Variants in NBPF26 observed in about 807,000 individuals in gnomAD.
NBPF26 encodes the protein NBPF family member NBPF26.
A neutral mutation model predicts 119.6 loss-of-function variants in NBPF26; 79 were observed. That is an observed-to-expected ratio of 0.66 (90% CI 0.55 to 0.80). The LOEUF (loss-of-function observed/expected upper bound fraction) is 0.80. Ranked by LOEUF, NBPF26 falls within the 30% of genes least tolerant of loss-of-function variation. NBPF26 has a pLI of 0.00. For missense variants in NBPF26, 800 were observed against 1,198.2 expected, an observed-to-expected ratio of 0.67 and a Z score of 4.91; for synonymous variants, 299 against 457.7, an observed-to-expected ratio of 0.65 and a Z score of 4.43.
downstream of NBPF26, chr1:120,840,628 C>G: frequency 6.9e-7 from 1 of 1,453,842 alleles, no homozygotes; most frequent in East Asian, 2.3e-5. Flanking sequence ...GTCATTCCTG[C>G]AGGCAGGACC....
intron 1 of NBPF26, among the ~76,000 whole-genome samples, chr1:120,750,460 T>C (rs1651010663): frequency 9.6e-6 from 1 of 104,644 alleles, no homozygotes; most frequent in Non-Finnish European, 1.8e-5. Context: ...TCCCTGCCTA[T>C]TAGAAGCTGA....
chr1:120,761,309 GC>G (rs1348443485), intron 1 of NBPF26, among the ~76,000 whole-genome samples: 1 of 113,906 alleles, frequency 8.8e-6, no homozygotes, highest in Non-Finnish European at 1.7e-5. Context: ...CAGGCACTGG[GC>G]ATGCCATTCA....
rs1651460018 is a variant in NBPF26 at position 120,789,523 on chromosome 1, G to T, written c.416-3638G>T. Among the ~76,000 whole-genome samples the T allele has an allele frequency of 6.3e-5, 7 of 111,838 alleles. 1 individual carries two copies. The South Asian group carries it at 1.9e-3, about 30-fold the overall frequency. 73.4% of individuals were successfully genotyped at this position (111,838 alleles called of 152,430 possible). A position where few individuals can be genotyped will look rare whatever the true frequency, so the allele number is the denominator to read the frequency against. ...AGCAGAACCCCTGAGGAACCCATCAGATCTCATGAGACTTATTCACTATCA... is the reference window on the plus strand; with the variant it reads ...AGCAGAACCCCTGAGGAACCCATCATATCTCATGAGACTTATTCACTATCA... On this transcript the variant is annotated intron_variant, in intron 3 of 29. Coordinates refer to ENST00000620612, the Ensembl canonical transcript of NBPF26.
chr1:120,762,267 CTAT>C (rs1219251605), intron 1 of NBPF26, among the ~76,000 whole-genome samples: 2 of 74,044 alleles, frequency 2.7e-5, no homozygotes, highest in African/African-American at 1.0e-4. Flanking sequence ...ATGTGTTAGC[CTAT>C]TATTATTATT....
At position 120,781,779 on chromosome 1, in the gene NBPF26, C is replaced by T. The variant is rs1270661276; in HGVS notation, c.156-3195C>T. Among the ~76,000 whole-genome samples, 4 of 116,008 alleles carry T rather than the reference C, an allele frequency of 3.4e-5. 1 individual carries two copies. Among genetic ancestry groups the T allele is most frequent in the Admixed American group, 8.3e-5 (1 of 12,018 alleles). 76.1% of individuals were successfully genotyped at this position (116,008 alleles called of 152,430 possible). A position where few individuals can be genotyped will look rare whatever the true frequency, so the allele number is the denominator to read the frequency against. ...AGGACTGTGTTAGCCAGGATGGTCT[C>T]GATCTCCTGACCTGGTGATCTGCCT... On this transcript the variant is annotated intron_variant, in intron 2 of 29. Coordinates refer to ENST00000620612, the Ensembl canonical transcript of NBPF26.
rs1421437050 is a variant in NBPF26, at chr1:120,790,167, C to T, written c.416-2994C>T. Reference sequence around the variant, plus strand: ...AGTAGCTGGGACTACAGGCACCTACCGCCATGCCCGGCTAATTTTTGTATT... The same window carrying T: ...AGTAGCTGGGACTACAGGCACCTACTGCCATGCCCGGCTAATTTTTGTATT... On this transcript the variant is annotated intron_variant, in intron 3 of 29. Transcript: ENST00000620612. 6.9e-5 allele frequency among the ~76,000 whole-genome samples: 7 copies of T among 101,684 alleles called. 1 individual carries two copies. In the South Asian group the frequency reaches 8.6e-4, roughly 13 times the overall value. 66.7% of individuals were successfully genotyped at this position (101,684 alleles called of 152,430 possible).
rs2101410053 is a variant in NBPF26 at position 120,764,002 on chromosome 1, A to G, written c.155+293A>G. Among the ~76,000 whole-genome samples, 2 of 115,126 alleles carry G rather than the reference A, an allele frequency of 1.7e-5. 1 individual carries two copies. Among genetic ancestry groups the G allele is most frequent in the Non-Finnish European group, 3.3e-5 (2 of 60,018 alleles). The allele number at this position is 115,126 out of a possible 152,430, so 75.5% of individuals were successfully genotyped here. On this transcript the variant is annotated intron_variant, in intron 2 of 29. Coordinates refer to ENST00000620612, the Ensembl canonical transcript of NBPF26. ...GGTGGCTCATGCTGGTAATCCCAGC[A>G]CTTCAGGAGGCTGAGTTGGGCGAAT...
chr1:120,784,840 T>C, intron 2 of NBPF26, 134 bp from the exon 3 acceptor site: 2 of 1,002,568 alleles, frequency 2.0e-6, no homozygotes, highest in Non-Finnish European at 2.8e-6. Flanking sequence ...AGGGAAGCAG[T>C]TTTATAGGTG....
rs1341888522 is a variant in NBPF26 at position 120,768,615 on chromosome 1, A to C, written c.155+4906A>C. ...GGGGTGTACCTTCACGATAAAAAAA[A>C]AAAACAAAACTGTAAATGTGGGTTT... On this transcript the variant is annotated intron_variant, in intron 2 of 29. Transcript: ENST00000620612. Among the ~76,000 whole-genome samples, 46 of 110,934 alleles carry C rather than the reference A, an allele frequency of 4.1e-4. 11 individuals carry two copies. Among genetic ancestry groups the C allele is most frequent in the South Asian group, 8.0e-4 (3 of 3,772 alleles). The allele number at this position is 110,934 out of a possible 152,430, so 72.8% of individuals were successfully genotyped here.
At chr1:120,745,120 C>CAA (rs1180453854) in intron 1 of NBPF26, among the ~76,000 whole-genome samples, 1 of 36,566 alleles carries the variant, frequency 2.7e-5, no homozygotes, top group Admixed American at 3.1e-4. Flanking sequence ...ATCCTGTCTC[C>CAA]AAAAAAAAAA....
At chr1:120,780,033 A>G (rs1266774196) in intron 2 of NBPF26, among the ~76,000 whole-genome samples, 48 of 131,530 alleles carry the variant, frequency 3.6e-4, no homozygotes, top group African/African-American at 1.5e-3. Flanking sequence ...TCTACCAGGC[A>G]GATCACAGAG....
intron 9 of NBPF26, among the ~76,000 whole-genome samples, chr1:120,810,898 C>G (rs1651844808): frequency 9.2e-6 from 1 of 108,660 alleles, no homozygotes; most frequent in South Asian, 2.6e-4. Context: ...CTCTAATTCA[C>G]TTCTGTCAGG....
chr1:120,808,392 C>G (rs1227824428), intron 6 of NBPF26, among the ~76,000 whole-genome samples, 153 bp from the exon 7 acceptor site: 2 of 118,486 alleles, frequency 1.7e-5, no homozygotes, highest in Non-Finnish European at 3.3e-5. Flanking sequence ...ATTTTCTATT[C>G]TTTCTCTTGG....
At chr1:120,840,540 A>C in exon 30 of NBPF26, 1 of 1,469,084 alleles carries the variant, frequency 6.8e-7, no homozygotes, top group Non-Finnish European at 9.2e-7. Flanking sequence ...TTTTACTTTG[A>C]CGGTGACAAG....
intron 4 of NBPF26, among the ~76,000 whole-genome samples, chr1:120,805,113 T>C (rs1651649006): frequency 8.1e-6 from 1 of 124,218 alleles, no homozygotes; most frequent in African/African-American, 3.9e-5. Flanking sequence ...AAGACACGGG[T>C]CTGTGGCATT....
At chr1:120,793,407 T>A (rs1651516056) in exon 4 of NBPF26, 1 of 1,441,648 alleles carries the variant, frequency 6.9e-7, no homozygotes, top group East Asian at 2.3e-5. Context: ...TGTGACAGAC[T>A]GTATGTGCCC....
At position 120,801,649 on chromosome 1, in the gene NBPF26, G is replaced by A. The variant is rs1363373919; in HGVS notation, c.752-3907G>A. Among the ~76,000 whole-genome samples, 9 of 105,254 alleles carry A rather than the reference G, an allele frequency of 8.6e-5. 4 individuals carry two copies. The highest frequency in any genetic ancestry group is 5.4e-4 in the African/African-American group (9 of 16,712). The allele number at this position is 105,254 out of a possible 152,430, so 69.1% of individuals were successfully genotyped here. A position where few individuals can be genotyped will look rare whatever the true frequency, so the allele number is the denominator to read the frequency against. On this transcript the variant is annotated intron_variant, in intron 4 of 29. Transcript: ENST00000620612. Reference sequence around the variant, plus strand: ...GTTCAAAACCAGCCTGAGCAACATAGCAAGACCTTGTCTCCATGAAAAATA... The same window carrying A: ...GTTCAAAACCAGCCTGAGCAACATAACAAGACCTTGTCTCCATGAAAAATA...
exon 30 of NBPF26, chr1:120,840,372 G>T (rs1553273428): frequency 1.4e-6 from 2 of 1,460,200 alleles, no homozygotes; most frequent in Non-Finnish European, 9.2e-7. Flanking sequence ...GCTGATGGAA[G>T]TGGAAGAGCC....
At chr1:120,832,600 T>A (rs1431257272) in intron 22 of NBPF26, among the ~76,000 whole-genome samples, 3 of 120,972 alleles carry the variant, frequency 2.5e-5, no homozygotes, top group African/African-American at 4.7e-5. Flanking sequence ...TTAAGTTGAT[T>A]GTAAAAATAT....
Sources: gnomAD v4.1 joint callset for allele counts (sites outside exome capture counted in the v4.1 genomes callset) on GRCh38, gnomAD v4.1.1 for gene constraint, MANE v1.5 for transcripts, NCBI Gene and HGNC (gene_info 2026-07-23, HGNC 2026-07-21) for gene names.